The following EYS variants were observed in gnomAD, a reference collection of about 807,000 sequenced individuals.
EYS encodes the protein protein eyes shut homolog.
In EYS, 250 loss-of-function variants were observed where a neutral mutation model predicts 282.1. That is an observed-to-expected ratio of 0.89 (90% CI 0.80 to 0.98). The LOEUF (loss-of-function observed/expected upper bound fraction) is 0.98. Among genes scored for constraint, EYS ranks in the 50% least tolerant of loss-of-function variants. The probability of loss-of-function intolerance (pLI) is 0.00; values close to 1 mark genes in which losing one functional copy is unlikely to be tolerated. For synonymous variants in EYS, 1,355 were observed against 1,282.9 expected (o/e 1.06, Z -1.20); for missense variants, 4,016 against 3,709.0 (o/e 1.08, Z -2.15).
intron 22 of EYS, among the ~76,000 whole-genome samples, chr6:64,708,712 C>A (rs1405916158): frequency 2.6e-5 from 4 of 152,138 alleles, no homozygotes; most frequent in Non-Finnish European, 4.4e-5. Flanking sequence ...CTTGGATTTT[C>A]CAGCTGTGAT....
chr6:64,051,246 A>T (rs1402271988), intron 33 of EYS, among the ~76,000 whole-genome samples: 1 of 152,182 alleles, frequency 6.6e-6, no homozygotes, highest in Non-Finnish European at 1.5e-5. Flanking sequence ...AGAAATAGTG[A>T]TTAAAAACAT....
chr6:63,882,892 G>T (rs1773168599), intron 35 of EYS, among the ~76,000 whole-genome samples: 1 of 152,114 alleles, frequency 6.6e-6, no homozygotes, highest in Non-Finnish European at 1.5e-5. Flanking sequence ...AGCCACTTTT[G>T]CCCAGAGTTC....
chr6:65,184,504 A>C (rs1217311214), intron 12 of EYS, among the ~76,000 whole-genome samples: 15 of 151,904 alleles, frequency 9.9e-5, no homozygotes, highest in African/African-American at 3.6e-4. Flanking sequence ...CAAACATTCA[A>C]ACCATAGCAT....
chr6:64,022,928 T>A (rs1279912765), intron 33 of EYS, among the ~76,000 whole-genome samples: 1 of 152,232 alleles, frequency 6.6e-6, no homozygotes, highest in Non-Finnish European at 1.5e-5. Flanking sequence ...TTCTTGCTTC[T>A]CAAATAAAAC....
At chr6:65,428,413 A>G (rs1397428311) in intron 5 of EYS, among the ~76,000 whole-genome samples, 2 of 152,114 alleles carry the variant, frequency 1.3e-5, no homozygotes, top group African/African-American at 4.8e-5. Flanking sequence ...GTATTGCGCT[A>G]ATTATGTGCC....
chr6:64,133,476 T>TCACACACACA (rs61088369), intron 31 of EYS, among the ~76,000 whole-genome samples: 179 of 142,460 alleles, frequency 1.3e-3, no homozygotes, highest in African/African-American at 2.6e-3. Flanking sequence ...TTGCATTACT[T>TCACACACACA]CACACACACA....
chr6:65,053,820 T>C (rs200737849), intron 13 of EYS, among the ~76,000 whole-genome samples: 1 of 151,974 alleles, frequency 6.6e-6, no homozygotes, highest in Non-Finnish European at 1.5e-5. Flanking sequence ...TGCTAACCTG[T>C]ATCTATTGAA....
chr6:65,545,901 T>A (rs1768367097), intron 2 of EYS, among the ~76,000 whole-genome samples: 1 of 152,150 alleles, frequency 6.6e-6, no homozygotes, highest in Admixed American at 6.5e-5. Flanking sequence ...GTTACACTTG[T>A]ATACACTAGC....
chr6:63,831,385 A>C (rs1771633140), intron 36 of EYS, among the ~76,000 whole-genome samples: 1 of 152,196 alleles, frequency 6.6e-6, no homozygotes, highest in Non-Finnish European at 1.5e-5. Flanking sequence ...TACCAAGCAA[A>C]TGGAAAACAA....
chr6:63,757,235 AT>A (rs1424062985), intron 41 of EYS, among the ~76,000 whole-genome samples: 1 of 152,030 alleles, frequency 6.6e-6, no homozygotes, highest in Non-Finnish European at 1.5e-5. Flanking sequence ...AGGTCTATAA[AT>A]GGCCGCTCTG....
At chr6:65,057,572 GTTAA>G (rs1773452926) in intron 13 of EYS, 38 bp downstream of exon 13, 1 of 1,210,472 alleles carries the variant, frequency 8.3e-7, no homozygotes, top group Non-Finnish European at 1.2e-6. Flanking sequence ...GCTTTTTAAA[GTTAA>G]TTATGTTTGC....
intron 22 of EYS, among the ~76,000 whole-genome samples, chr6:64,751,354 A>C (rs1772748233): frequency 6.6e-6 from 1 of 152,166 alleles, no homozygotes; most frequent in Non-Finnish European, 1.5e-5. Flanking sequence ...TTAGGAGTCC[A>C]CGTCACCCCT....
At chr6:64,513,947 A>G (rs559886406) in intron 26 of EYS, among the ~76,000 whole-genome samples, 1 of 152,012 alleles carries the variant, frequency 6.6e-6, no homozygotes, top group African/African-American at 2.4e-5. Context: ...GTACTATGGA[A>G]AGAACATTCT....
At chr6:64,150,955 C>T (rs1487879004) in intron 31 of EYS, among the ~76,000 whole-genome samples, 3 of 152,048 alleles carry the variant, frequency 2.0e-5, no homozygotes, top group South Asian at 2.1e-4. Flanking sequence ...TACCAATTGG[C>T]GCAATATATC....
At chr6:64,404,378 AGAGTGTGTGTGT>A (rs1479633221) in intron 28 of EYS, among the ~76,000 whole-genome samples, 2 of 142,708 alleles carry the variant, frequency 1.4e-5, no homozygotes, top group East Asian at 2.0e-4. Context: ...ATAGAGTGTG[AGAGTGTGTGTGT>A]GTGTGTGTGT....
intron 22 of EYS, among the ~76,000 whole-genome samples, chr6:64,710,218 G>T (rs907754833): frequency 1.3e-5 from 2 of 152,126 alleles, no homozygotes; most frequent in African/African-American, 2.4e-5. Flanking sequence ...AATTAATAGG[G>T]TCACAATAAA....
At chr6:65,332,464 C>T in intron 11 of EYS, 1 of 1,351,806 alleles carries the variant, frequency 7.4e-7, no homozygotes. Context: ...AACTTAAGGC[C>T]TAATATTTAA....
At chr6:65,544,761 A>T (rs746299790) in intron 2 of EYS, among the ~76,000 whole-genome samples, 10 of 152,182 alleles carry the variant, frequency 6.6e-5, no homozygotes, top group Non-Finnish European at 1.5e-4. Flanking sequence ...AAAACTTTTA[A>T]ATGTGAAATT....
At chr6:65,382,993 T>C (rs1285752367) in intron 8 of EYS, among the ~76,000 whole-genome samples, 1 of 141,802 alleles carries the variant, frequency 7.1e-6, no homozygotes, top group Non-Finnish European at 1.6e-5. Flanking sequence ...CCACATTGCC[T>C]TGATACTCTA....
Sources: gnomAD v4.1 joint callset for allele counts (sites outside exome capture counted in the v4.1 genomes callset) on GRCh38, gnomAD v4.1.1 for gene constraint, MANE v1.5 for transcripts, NCBI Gene and HGNC (gene_info 2026-07-23, HGNC 2026-07-21) for gene names.